Variants in PTPRD observed in about 807,000 individuals in gnomAD.
The protein encoded by PTPRD is receptor-type tyrosine-protein phosphatase delta.
Under a neutral mutation model 214.5 loss-of-function variants are expected in PTPRD, and 34 were observed. The ratio of observed to expected loss-of-function variants is 0.16; its 90% CI spans 0.12 to 0.21. The LOEUF (loss-of-function observed/expected upper bound fraction) is 0.21. PTPRD is among the 10% of genes least tolerant of loss of function. The pLI, the probability that PTPRD is intolerant of heterozygous loss-of-function variation, is 1.00. For synonymous variants in PTPRD, 1,128 were observed against 845.7 expected, an observed-to-expected ratio of 1.33 and a Z score of -5.79; for missense variants, 2,545 against 2,398.7, an observed-to-expected ratio of 1.06 and a Z score of -1.27.
chr9:8,773,501 G>A (rs2095326190), intron 11 of PTPRD, among the ~76,000 whole-genome samples: 1 of 152,122 alleles, frequency 6.6e-6, no homozygotes, highest in African/African-American at 2.4e-5. Flanking sequence ...ATGTCTTGAG[G>A]ACCACTGTTG....
intron 5 of PTPRD, among the ~76,000 whole-genome samples, chr9:9,886,026 A>G (rs569045159): frequency 5.1e-4 from 78 of 152,194 alleles, no homozygotes; most frequent in African/African-American, 1.5e-3. Context: ...AAGGATAAAC[A>G]GTGCCAAATG....
rs189100673 is a variant in PTPRD at position 9,964,732 on chromosome 9, A to G, written c.-471-26122T>C. Among the ~76,000 whole-genome samples, 1,097 of 152,318 alleles carry G rather than the reference A, an allele frequency of 7.2e-3. 4 individuals carry two copies. Among genetic ancestry groups the G allele is most frequent in the Non-Finnish European group, 0.011 (774 of 68,020 alleles). On this transcript the variant is annotated intron_variant, in intron 4 of 45. Coordinates refer to ENST00000381196, the MANE Select transcript of PTPRD (RefSeq NM_002839.4). ...ATTTCTTTAGGAAAAAAATACATTC[A>G]TTTTTATCTCCATTGCTTATAACTT... is the stretch of plus-strand genomic sequence containing the variant.
At chr9:8,637,021 A>G (rs1438828262) in intron 12 of PTPRD, among the ~76,000 whole-genome samples, 177 bp from the exon 13 acceptor site, 2 of 152,186 alleles carry the variant, frequency 1.3e-5, no homozygotes, top group Non-Finnish European at 2.9e-5. Flanking sequence ...GGTAGTTTAA[A>G]GGGGAAGGAC....
At chr9:10,164,612 G>T (rs1009736244) in intron 3 of PTPRD, among the ~76,000 whole-genome samples, 14 of 151,552 alleles carry the variant, frequency 9.2e-5, no homozygotes, top group Non-Finnish European at 1.9e-4. Flanking sequence ...TATGTGATTT[G>T]CATCGTCCTT....
chr9:8,993,981 A>G (rs2099387200), intron 11 of PTPRD, among the ~76,000 whole-genome samples: 1 of 152,150 alleles, frequency 6.6e-6, no homozygotes. Context: ...GTTGCATCCC[A>G]ATAATTTTGT....
intron 8 of PTPRD, among the ~76,000 whole-genome samples, chr9:9,493,347 G>C (rs1416159095): frequency 6.6e-6 from 1 of 152,078 alleles, no homozygotes; most frequent in Non-Finnish European, 1.5e-5. Context: ...CAAATATTCT[G>C]TTAATTCACC....
intron 37 of PTPRD, among the ~76,000 whole-genome samples, chr9:8,378,285 C>A (rs1020349491): frequency 6.6e-6 from 1 of 152,028 alleles, no homozygotes; most frequent in African/African-American, 2.4e-5. Context: ...AAGGAGAATA[C>A]TGACGTAGAG....
intron 5 of PTPRD, among the ~76,000 whole-genome samples, chr9:9,860,467 C>G (rs1448661483): frequency 6.6e-6 from 1 of 152,130 alleles, no homozygotes; most frequent in Non-Finnish European, 1.5e-5. Context: ...GTTTATTGTT[C>G]ACATGTGTTT....
chr9:10,238,041 TA>T (rs34654151), intron 3 of PTPRD, among the ~76,000 whole-genome samples: 3 of 151,386 alleles, frequency 2.0e-5, no homozygotes, highest in Admixed American at 1.3e-4. Flanking sequence ...CTTTTTTTTT[TA>T]AAAATCCTTT....
At chr9:9,259,204 G>C (rs73641283) in intron 9 of PTPRD, among the ~76,000 whole-genome samples, 352 of 151,848 alleles carry the variant, frequency 2.3e-3, no homozygotes, top group African/African-American at 7.9e-3. Flanking sequence ...GCCAGACATG[G>C]GACTAGAACC....
intron 5 of PTPRD, among the ~76,000 whole-genome samples, chr9:9,928,530 G>C (rs1233243453): frequency 6.6e-6 from 1 of 152,068 alleles, no homozygotes; most frequent in Non-Finnish European, 1.5e-5. Context: ...ACAAAGTAAA[G>C]AGATATTTCA....
At chr9:10,357,754 G>A (rs771543873) in intron 2 of PTPRD, among the ~76,000 whole-genome samples, 10 of 151,910 alleles carry the variant, frequency 6.6e-5, no homozygotes, top group East Asian at 1.9e-4. Flanking sequence ...TAAAAACAAC[G>A]ACTATGCATA....
intron 3 of PTPRD, among the ~76,000 whole-genome samples, chr9:10,088,098 T>C (rs2098379018): frequency 6.6e-6 from 1 of 151,770 alleles, no homozygotes; most frequent in South Asian, 2.1e-4. Context: ...ATTCAACTAA[T>C]ATTTATTGTC....
At chr9:10,372,157 T>C (rs557208839) in intron 2 of PTPRD, among the ~76,000 whole-genome samples, 1 of 152,230 alleles carries the variant, frequency 6.6e-6, no homozygotes, top group South Asian at 2.1e-4. Context: ...TTTAGTACAA[T>C]ACAGTTTTCT....
intron 14 of PTPRD, among the ~76,000 whole-genome samples, chr9:8,548,272 G>C (rs1282445283): frequency 1.3e-5 from 2 of 152,170 alleles, no homozygotes; most frequent in Non-Finnish European, 2.9e-5. Context: ...TGCAAGGTCT[G>C]TTGAAGGATG....
intron 11 of PTPRD, among the ~76,000 whole-genome samples, chr9:8,776,842 G>GTATATATGTTACAT (rs1484497487): frequency 7.0e-6 from 1 of 142,734 alleles, no homozygotes; most frequent in Non-Finnish European, 1.5e-5. Flanking sequence ...ATAATACATA[G>GTATATATGTTACAT]GTATAATATA....
chr9:10,198,712 G>A (rs948991579), intron 3 of PTPRD, among the ~76,000 whole-genome samples: 1 of 152,090 alleles, frequency 6.6e-6, no homozygotes, highest in Non-Finnish European at 1.5e-5. Flanking sequence ...TACCTATTCT[G>A]CAGCAGATTA....
Position 9,587,621 on chromosome 9 carries a change from TCTCA to T in PTPRD, c.-286-12844_-286-12841del, listed in dbSNP as rs2092217423. Among the ~76,000 whole-genome samples the T allele has an allele frequency of 5.3e-5, 8 of 152,054 alleles. No individual in the cohort carries two copies. In the South Asian group the frequency reaches 1.7e-3, roughly 32 times the overall value. On this transcript the variant is annotated intron_variant, in intron 7 of 45. Transcript: ENST00000381196. ...CAGAGTACATCATAAAGGCTGGGGGTCTCACTAATTCCCTCACTGGGGAATGGGA... is the reference window on the plus strand; with the variant it reads ...CAGAGTACATCATAAAGGCTGGGGGTCTAATTCCCTCACTGGGGAATGGGA...
intron 12 of PTPRD, among the ~76,000 whole-genome samples, chr9:8,721,749 G>C (rs2098501518): frequency 6.6e-6 from 1 of 152,134 alleles, no homozygotes; most frequent in African/African-American, 2.4e-5. Flanking sequence ...TCTGCTTCTG[G>C]TTTTACAGAT....
Sources: gnomAD v4.1 joint callset for allele counts (sites outside exome capture counted in the v4.1 genomes callset) on GRCh38, gnomAD v4.1.1 for gene constraint, MANE v1.5 for transcripts, NCBI Gene and HGNC (gene_info 2026-07-23, HGNC 2026-07-21) for gene names.